CCT4: variants seen among roughly 807,000 people sequenced by gnomAD.
CCT4 encodes the protein chaperonin containing TCP1 subunit 4.
In CCT4, 17 loss-of-function variants were observed where a neutral mutation model predicts 62.5. That is an observed-to-expected ratio of 0.27 (90% CI 0.19 to 0.41). The LOEUF (loss-of-function observed/expected upper bound fraction) is 0.41. CCT4 is among the 10% of genes least tolerant of loss of function. The pLI, the probability that CCT4 is intolerant of heterozygous loss-of-function variation, is 1.00. For missense variants in CCT4, 592 were observed against 659.2 expected, an observed-to-expected ratio of 0.90 and a Z score of 1.12; for synonymous variants, 250 against 229.9, an observed-to-expected ratio of 1.09 and a Z score of -0.79.
At chr2:61,882,111 T>G (rs1015995769) in intron 3 of CCT4, among the ~76,000 whole-genome samples, 14 of 152,144 alleles carry the variant, frequency 9.2e-5, no homozygotes, top group Middle Eastern at 3.4e-3. Context: ...TTTTGTATTT[T>G]TAGTAGAGAT....
At chr2:61,878,202 GA>G (rs141361783) in intron 5 of CCT4, among the ~76,000 whole-genome samples, 1,811 of 152,246 alleles carry the variant, frequency 0.012, 31 homozygotes, top group African/African-American at 0.042. Flanking sequence ...TTTTTAAAAG[GA>G]AAAAGGATTA....
rs1321037887 is a variant in CCT4, at chr2:61,872,996, T to C, written c.1125+6A>G. ...GCAAATAAAAATTTAAGTGTAATAC[T>C]GTTACCTTGAGCAGTTTGCCAGAAC... On this transcript the variant is annotated splice_donor_region_variant and intron_variant, in intron 10 of 13. Transcript: ENST00000394440. 1 of 1,510,036 alleles carries C rather than the reference T, an allele frequency of 6.6e-7. No individual in the cohort carries two copies. The highest frequency in any genetic ancestry group is 9.2e-7 in the Non-Finnish European group (1 of 1,085,240). The allele number at this position is 1,510,036 out of a possible 1,614,324, so 93.5% of individuals were successfully genotyped here. A position where few individuals can be genotyped will look rare whatever the true frequency, so the allele number is the denominator to read the frequency against.
Position 61,884,065 on chromosome 2 carries a change from ATTGTT to A in CCT4, c.181-522_181-518del, listed in dbSNP as rs200141520. Among the ~76,000 whole-genome samples, 1,402 of 151,408 alleles carry A rather than the reference ATTGTT, an allele frequency of 9.3e-3. 20 individuals are homozygous for A. The highest frequency in any genetic ancestry group is 0.031 in the African/African-American group (1,289 of 41,524). ...TAGTATCATCCAGATGATCCTCCAT[ATTGTT>A]TTATCTCACAGAGACCCACATTAAG... On this transcript the variant is annotated intron_variant, in intron 2 of 13. Coordinates refer to ENST00000394440, the MANE Select transcript of CCT4 (RefSeq NM_006430.4).
At position 61,877,065 on chromosome 2, in the gene CCT4, G is replaced by T. The variant is rs1211929149; in HGVS notation, c.645-13C>A. The stretch of plus-strand genomic sequence containing the variant: ...ATCAATTGTCCCACTAAGGATAAAA[G>T]AAAACAAAGAGGGGTAGTTAAGAGG... On this transcript the variant is annotated splice_polypyrimidine_tract_variant and intron_variant, in intron 6 of 13. Coordinates refer to ENST00000394440, the MANE Select transcript of CCT4 (RefSeq NM_006430.4). The T allele has an allele frequency of 1.2e-6, 2 of 1,609,890 alleles. No homozygotes were observed. Among genetic ancestry groups the T allele is most frequent in the South Asian group, 1.1e-5 (1 of 90,582 alleles).
In CCT4 at chr2:61,888,488, G is replaced by A; in HGVS notation, c.20C>T (p.Pro7Leu). 1 of 1,612,126 alleles carries A rather than the reference G, an allele frequency of 6.2e-7. No homozygotes were observed. Among genetic ancestry groups the A allele is most frequent in the African/African-American group, 1.3e-5 (1 of 75,016 alleles). ...AGCCCCGGCAGTCGCCCCGCTCCGG[G>A]GTGCCACATTCTCGGGCATGGCAAA... Reference protein sequence around the residue: MPENVAPRSGATAGAAG... With the variant: MPENVALRSGATAGAAG... Residue 7 changes from proline to leucine, a missense_variant, in exon 1 of 14, where the codon CCC (proline) becomes CTC (leucine). By Grantham distance (98) the Pro-to-Leu change is moderately conservative. Coordinates refer to ENST00000394440, the MANE Select transcript of CCT4 (RefSeq NM_006430.4).
intron 4 of CCT4, among the ~76,000 whole-genome samples, chr2:61,879,848 T>C (rs1021843692): frequency 1.3e-4 from 20 of 151,952 alleles, no homozygotes; most frequent in African/African-American, 4.6e-4. Context: ...GTTCAAGTGA[T>C]TCTCCTGCCT....
rs902623859 is a variant in CCT4, at chr2:61,888,610, C to T, written c.-103G>A. On this transcript the variant is annotated 5_prime_UTR_variant, in exon 1 of 14. Transcript: ENST00000394440. Reference sequence around the variant, plus strand: ...GTAAGCCCTCACTGCCTTCACGAACCTTCCAGAAAGCGGCGCCGGCGTCGG... The same window carrying T: ...GTAAGCCCTCACTGCCTTCACGAACTTTCCAGAAAGCGGCGCCGGCGTCGG... 2.9e-6 allele frequency: 4 copies of T among 1,375,686 alleles called. No homozygotes were observed. The highest frequency in any genetic ancestry group is 5.1e-5 in the East Asian group (2 of 39,010). 85.2% of individuals were successfully genotyped at this position (1,375,686 alleles called of 1,614,324 possible).
chr2:61,874,288 C>T (rs1668950719), intron 8 of CCT4, among the ~76,000 whole-genome samples: 1 of 152,106 alleles, frequency 6.6e-6, no homozygotes, highest in African/African-American at 2.4e-5. Flanking sequence ...ACAGTACATT[C>T]TGGCACATTA....
At chr2:61,878,217 G>T (rs994383792) in intron 5 of CCT4, among the ~76,000 whole-genome samples, 2 of 152,224 alleles carry the variant, frequency 1.3e-5, no homozygotes, top group East Asian at 3.8e-4. Flanking sequence ...AGGATTAGGG[G>T]AAGGAAGGGA....
rs1668816073 is a variant in CCT4, at chr2:61,868,243, A to G, written c.*449T>C. ...TCATTTTTCATTCTCTTTCTGTACCATTAACTTATTTTTGTTTTAACTGGG... is the reference window on the plus strand; with the variant it reads ...TCATTTTTCATTCTCTTTCTGTACCGTTAACTTATTTTTGTTTTAACTGGG... On this transcript the variant is annotated 3_prime_UTR_variant, in exon 14 of 14. Transcript: ENST00000394440. 6.3e-6 allele frequency: 1 copy of G among 158,026 alleles called. No homozygotes were observed. Among genetic ancestry groups the G allele is most frequent in the Non-Finnish European group, 1.4e-5 (1 of 71,766 alleles). The allele number at this position is 158,026 out of a possible 1,614,324, so 9.8% of individuals were successfully genotyped here.
intron 5 of CCT4, among the ~76,000 whole-genome samples, chr2:61,877,730 CTTTTA>C (rs1415329486): frequency 1.3e-5 from 2 of 151,860 alleles, no homozygotes; most frequent in Non-Finnish European, 2.9e-5. Flanking sequence ...TTGCTTTTTT[CTTTTA>C]TTAATATAAT....
intron 1 of CCT4, among the ~76,000 whole-genome samples, chr2:61,886,568 T>C (rs1459173974): frequency 6.6e-6 from 1 of 152,144 alleles, no homozygotes; most frequent in East Asian, 1.9e-4. Context: ...AGGCAGGCCG[T>C]CACTTGAGGC....
chr2:61,879,439 A>ATTT (rs35177149), intron 4 of CCT4, among the ~76,000 whole-genome samples: 1 of 103,534 alleles, frequency 9.7e-6, no homozygotes, highest in Non-Finnish European at 2.0e-5. Context: ...TTTTTTTTGT[A>ATTT]TTTTTTTTTT....
chr2:61,872,971 G>C, intron 10 of CCT4, 31 bp downstream of exon 10: 1 of 1,248,998 alleles, frequency 8.0e-7, no homozygotes, highest in Non-Finnish European at 1.2e-6. Context: ...CCAAACCTAA[G>C]CAAATAAAAA....
At position 61,873,035 on chromosome 2, in the gene CCT4, C is replaced by G. The variant is rs1057154342; in HGVS notation, c.1092G>C (p.Glu364Asp). The G allele has an allele frequency of 9.9e-6, 16 of 1,611,020 alleles. No individual in the cohort carries two copies. Among genetic ancestry groups the G allele is most frequent in the Non-Finnish European group, 1.2e-5 (14 of 1,177,372 alleles). ...GTTTGCCAGAACCATTTAAATTGAC[C>G]TCCTCAGCTAACTCAGCAGAACCCA... Reference protein sequence around the residue: ...DMLGSAELAEEVNLNGSGKLL... With the variant: ...DMLGSAELAEDVNLNGSGKLL... The change falls in exon 10 of 14, where the codon GAG (glutamate) becomes GAC (aspartate). Residue 364 changes from glutamate (E) to aspartate (D), a missense_variant. Around this residue, in one of 3 missense-constraint regions of CCT4, gnomAD observed 522 missense variants for 571.2 expected, o/e 0.91. Transcript: ENST00000394440.
rs750185124 is a variant in CCT4 at position 61,872,201 on chromosome 2, T to C, written c.1372A>G (p.Met458Val). The C allele has an allele frequency of 6.2e-6, 10 of 1,613,762 alleles. No homozygotes were observed. The African/African-American group carries it at 9.3e-5, about 15-fold the overall frequency. ...GCTAGTGTAGATGGAATGACCTCCATAGCATCTGCAAAAGCACGAACGCAG... is the reference window on the plus strand; with the variant it reads ...GCTAGTGTAGATGGAATGACCTCCACAGCATCTGCAAAAGCACGAACGCAG... ...SYCVRAFADA[M>V]EVIPSTLAEN... Residue 458 changes from methionine (M) to valine (V), a missense_variant, in exon 12 of 14, where the codon ATG becomes GTG. Met to Val is a conservative substitution (Grantham distance 21). Around this residue, in one of 3 missense-constraint regions of CCT4, gnomAD observed 522 missense variants for 571.2 expected, o/e 0.91. Transcript: ENST00000394440.
intron 1 of CCT4, among the ~76,000 whole-genome samples, chr2:61,886,450 A>C (rs556115561): frequency 6.6e-6 from 1 of 152,134 alleles, no homozygotes; most frequent in African/African-American, 2.4e-5. Context: ...CCAAACAAAA[A>C]CCAAAACTCT....
At chr2:61,874,320 C>G (rs1668951583) in intron 8 of CCT4, among the ~76,000 whole-genome samples, 1 of 151,988 alleles carries the variant, frequency 6.6e-6, no homozygotes, top group African/African-American at 2.4e-5. Context: ...GGGAATGCGT[C>G]TATTAGGAAA....
intron 1 of CCT4, among the ~76,000 whole-genome samples, chr2:61,887,150 C>T (rs1457340450): frequency 6.6e-6 from 1 of 152,202 alleles, no homozygotes; most frequent in African/African-American, 2.4e-5. Context: ...CCTTCGTTTC[C>T]AGGTGTATTA....
Sources: allele counts gnomAD v4.1 joint callset (sites outside exome capture counted in the v4.1 genomes callset), GRCh38; gene constraint gnomAD v4.1.1; regional missense constraint gnomAD v4.1.1; transcripts MANE v1.5; gene names NCBI Gene and HGNC (gene_info 2026-07-23, HGNC 2026-07-21).